PDE4B: variants seen among roughly 807,000 people sequenced by gnomAD.
The protein encoded by PDE4B is phosphodiesterase 4B.
PDE4B carries 20 observed loss-of-function variants against 82.2 expected under a neutral mutation model. That is an observed-to-expected ratio of 0.24 (90% CI 0.17 to 0.35). The LOEUF is 0.35. Ranked by LOEUF, PDE4B falls within the 10% of genes least tolerant of loss-of-function variation. The probability of loss-of-function intolerance (pLI) is 1.00; values close to 1 mark genes in which losing one functional copy is unlikely to be tolerated. For synonymous variants in PDE4B, 320 were observed against 318.9 expected (o/e 1.00, Z -0.04); for missense variants, 655 against 907.2 (o/e 0.72, Z 3.57).
chr1:66,109,177 G>A (rs1211064571), intron 3 of PDE4B, among the ~76,000 whole-genome samples: 1 of 151,924 alleles, frequency 6.6e-6, no homozygotes, highest in Non-Finnish European at 1.5e-5. Flanking sequence ...TAGACCAACA[G>A]ATGTTTTGAG....
At chr1:66,140,904 C>T (rs2101145435) in intron 3 of PDE4B, among the ~76,000 whole-genome samples, 1 of 152,276 alleles carries the variant, frequency 6.6e-6, no homozygotes, top group Non-Finnish European at 1.5e-5. Context: ...CTGCCACCCA[C>T]TTACATTTTA....
intron 1 of PDE4B, among the ~76,000 whole-genome samples, chr1:65,805,033 C>T (rs1033767871): frequency 7.9e-5 from 12 of 151,744 alleles, no homozygotes; most frequent in African/African-American, 1.2e-4. Flanking sequence ...GGTACGATCT[C>T]GGCTCACTGC....
intron 3 of PDE4B, among the ~76,000 whole-genome samples, chr1:65,987,305 A>G (rs1651004208): frequency 6.6e-6 from 1 of 152,194 alleles, no homozygotes; most frequent in Non-Finnish European, 1.5e-5. Flanking sequence ...CCATTTTCCT[A>G]AAGATGAGTA....
chr1:65,951,542 T>A (rs1648999425), intron 3 of PDE4B, among the ~76,000 whole-genome samples: 1 of 152,050 alleles, frequency 6.6e-6, no homozygotes, highest in Non-Finnish European at 1.5e-5. Context: ...GTCTCCTGAG[T>A]TGATTTAAGG....
At chr1:65,867,574 T>A (rs1415008127) in intron 1 of PDE4B, among the ~76,000 whole-genome samples, 1 of 152,236 alleles carries the variant, frequency 6.6e-6, no homozygotes, top group East Asian at 1.9e-4. Context: ...AGCTAAGACT[T>A]CCAGCCTCTA....
intron 3 of PDE4B, among the ~76,000 whole-genome samples, chr1:66,236,985 G>A (rs1042487590): frequency 6.6e-6 from 1 of 152,214 alleles, no homozygotes. Flanking sequence ...TTAGAGCAAT[G>A]AAATGAGGTA....
intron 1 of PDE4B, among the ~76,000 whole-genome samples, chr1:65,816,975 G>T (rs1305726334): frequency 2.6e-5 from 4 of 152,110 alleles, no homozygotes; most frequent in Non-Finnish European, 5.9e-5. Flanking sequence ...TGTAGCTGAG[G>T]TTCAAAACTG....
At chr1:65,927,334 A>G (rs1313931899) in intron 3 of PDE4B, among the ~76,000 whole-genome samples, 5 of 151,130 alleles carry the variant, frequency 3.3e-5, no homozygotes, top group Non-Finnish European at 5.9e-5. Context: ...TGTGAAATGA[A>G]CAAGCAGGAG....
intron 7 of PDE4B, among the ~76,000 whole-genome samples, chr1:66,292,541 G>A (rs1657163103): frequency 6.6e-6 from 1 of 152,162 alleles, no homozygotes; most frequent in Non-Finnish European, 1.5e-5. Flanking sequence ...CATGGTTATT[G>A]TAAAAATGAC....
chr1:66,009,092 C>A (rs982945366), intron 3 of PDE4B, among the ~76,000 whole-genome samples: 3 of 152,144 alleles, frequency 2.0e-5, no homozygotes, highest in African/African-American at 7.2e-5. Context: ...GCTTTCTCCC[C>A]CCTACACCAT....
chr1:65,845,419 G>T (rs1646257073), intron 1 of PDE4B, among the ~76,000 whole-genome samples: 1 of 152,084 alleles, frequency 6.6e-6, no homozygotes, highest in African/African-American at 2.4e-5. Flanking sequence ...ACTTAGTCTA[G>T]CCCAGTTTAG....
chr1:65,855,381 T>C (rs963036139), intron 1 of PDE4B, among the ~76,000 whole-genome samples: 6 of 152,176 alleles, frequency 3.9e-5, no homozygotes, highest in Non-Finnish European at 8.8e-5. Flanking sequence ...TGCAGCTTAG[T>C]TTGATCCTTT....
intron 7 of PDE4B, among the ~76,000 whole-genome samples, chr1:66,311,176 T>C (rs1658644739): frequency 6.6e-6 from 1 of 152,090 alleles, no homozygotes; most frequent in African/African-American, 2.4e-5. Context: ...CCTAAAAAAT[T>C]AAAGACCTGG....
intron 3 of PDE4B, among the ~76,000 whole-genome samples, chr1:65,989,616 C>T (rs538648355): frequency 6.6e-6 from 1 of 152,128 alleles, no homozygotes; most frequent in South Asian, 2.1e-4. Flanking sequence ...GGGAATTACT[C>T]ATTTCTCCTT....
intron 3 of PDE4B, among the ~76,000 whole-genome samples, chr1:66,162,627 G>T (rs544985269): frequency 5.3e-5 from 8 of 151,884 alleles, no homozygotes; most frequent in East Asian, 3.9e-4. Flanking sequence ...TGGAATATTT[G>T]CATATACTTA....
At chr1:66,143,522 G>A (rs1171666483) in intron 3 of PDE4B, among the ~76,000 whole-genome samples, 1 of 152,174 alleles carries the variant, frequency 6.6e-6, no homozygotes, top group African/African-American at 2.4e-5. Context: ...TTGATGCTGT[G>A]CCAGCCAGGG....
intron 1 of PDE4B, among the ~76,000 whole-genome samples, chr1:65,872,874 A>G (rs113916749): frequency 6.6e-6 from 1 of 152,140 alleles, no homozygotes; most frequent in Non-Finnish European, 1.5e-5. Context: ...AGAGGTTATC[A>G]TTTTTTCCCA....
chr1:65,796,446 A>T (rs1434161471), intron 1 of PDE4B, among the ~76,000 whole-genome samples: 2 of 151,820 alleles, frequency 1.3e-5, no homozygotes, highest in Non-Finnish European at 2.9e-5. Flanking sequence ...TCAAATAGAA[A>T]ACATTCATTG....
At position 65,918,370 on chromosome 1, in the gene PDE4B, A is replaced by G. The variant is rs139711303; in HGVS notation, c.43-227A>G. On this transcript the variant is annotated intron_variant, in intron 2 of 16. Coordinates refer to ENST00000341517, the MANE Select transcript of PDE4B (RefSeq NM_002600.4). ...ACTAGTAAACATTATCTATATGCCT[A>G]AAAATCTCCAGGAATATGCAACTGA... Among the ~76,000 whole-genome samples, 409 of 152,298 alleles carry G rather than the reference A, an allele frequency of 2.7e-3. 3 individuals are homozygous for G. The highest frequency in any genetic ancestry group is 0.017 in the Middle Eastern group (5 of 294).
Sources: allele counts gnomAD v4.1 joint callset (sites outside exome capture counted in the v4.1 genomes callset), GRCh38; gene constraint gnomAD v4.1.1; transcripts MANE v1.5; gene names NCBI Gene and HGNC (gene_info 2026-07-23, HGNC 2026-07-21).